SFMBT2: variants seen among roughly 807,000 people sequenced by gnomAD.
The protein encoded by SFMBT2 is Scm like with four mbt domains 2.
In SFMBT2, 38 loss-of-function variants were observed where a neutral mutation model predicts 110.1. That is an observed-to-expected ratio of 0.35 (90% CI 0.27 to 0.45). The LOEUF is 0.45. Among genes scored for constraint, SFMBT2 ranks in the 20% least tolerant of loss-of-function variants. The pLI is 1.00. For missense variants in SFMBT2, 1,011 were observed against 1,094.9 expected (o/e 0.92, Z 1.08); for synonymous variants, 425 against 425.4 (o/e 1.00, Z 0.01).
chr10:7,270,629 G>A (rs1841550812), intron 7 of SFMBT2, among the ~76,000 whole-genome samples: 1 of 152,128 alleles, frequency 6.6e-6, no homozygotes, highest in Non-Finnish European at 1.5e-5. Flanking sequence ...CTCATGAGAG[G>A]CCCAAAAGTA....
chr10:7,249,731 C>T (rs1840740181), intron 7 of SFMBT2: 1 of 160,998 alleles, frequency 6.2e-6, no homozygotes. Context: ...CGTCAGCGTC[C>T]AAGAGGAGAT....
intron 10 of SFMBT2, among the ~76,000 whole-genome samples, chr10:7,226,421 G>A (rs4747439): frequency 0.27 from 41,288 of 152,120 alleles, 5,937 homozygotes; most frequent in South Asian, 0.4. Flanking sequence ...CCCCTTTCTC[G>A]CTTCGTTTTT....
intron 7 of SFMBT2, chr10:7,249,215 A>T (rs1840720559): frequency 4.9e-6 from 1 of 202,626 alleles, no homozygotes; most frequent in Admixed American, 6.5e-5. Flanking sequence ...CCTGCCCCAC[A>T]GACGATTAGA....
intron 20 of SFMBT2, chr10:7,164,415 C>T (rs1393190591): frequency 6.1e-6 from 6 of 984,834 alleles, no homozygotes; most frequent in African/African-American, 1.7e-5. Context: ...AATACAAATA[C>T]AAGAGCTTTT....
chr10:7,350,961 T>G (rs1417165004), intron 4 of SFMBT2, among the ~76,000 whole-genome samples: 1 of 152,230 alleles, frequency 6.6e-6, no homozygotes, highest in African/African-American at 2.4e-5. Flanking sequence ...GCTCCTCTGG[T>G]AAAAGGCATT....
intron 16 of SFMBT2, among the ~76,000 whole-genome samples, chr10:7,179,635 A>G (rs1368892217): frequency 1.3e-5 from 2 of 152,214 alleles, no homozygotes; most frequent in Non-Finnish European, 2.9e-5. Flanking sequence ...ATAAGAACGC[A>G]GGAGAAATGT....
At chr10:7,350,191 ATTTT>A (rs35769123) in intron 4 of SFMBT2, among the ~76,000 whole-genome samples, 4 of 144,680 alleles carry the variant, frequency 2.8e-5, no homozygotes, top group Non-Finnish European at 6.1e-5. Context: ...TAGTTCCTAG[ATTTT>A]TTTTTTTTCC....
intron 7 of SFMBT2, among the ~76,000 whole-genome samples, chr10:7,263,715 C>T (rs1377230942): frequency 6.6e-6 from 1 of 152,230 alleles, no homozygotes; most frequent in Non-Finnish European, 1.5e-5. Flanking sequence ...GAAGGCCAAA[C>T]TCAGCTACAA....
intron 4 of SFMBT2, chr10:7,348,355 T>G: frequency 6.6e-7 from 1 of 1,513,066 alleles, no homozygotes; most frequent in Non-Finnish European, 8.9e-7. Context: ...TAATCACAGA[T>G]GGTTTTAATG....
intron 11 of SFMBT2, 123 bp from the exon 12 acceptor site, chr10:7,206,051 AAAAC>A: frequency 2.8e-6 from 4 of 1,407,348 alleles, no homozygotes; most frequent in Non-Finnish European, 3.7e-6. Flanking sequence ...TTAAAAAACA[AAAAC>A]AAAAACAAAA....
At chr10:7,210,100 T>A (rs1318851610) in intron 11 of SFMBT2, among the ~76,000 whole-genome samples, 1 of 151,410 alleles carries the variant, frequency 6.6e-6, no homozygotes, top group South Asian at 2.1e-4. Flanking sequence ...CTTAAAGAGT[T>A]CTGCAGCTTG....
At chr10:7,386,854 G>C (rs555642214) in intron 1 of SFMBT2, among the ~76,000 whole-genome samples, 1 of 152,254 alleles carries the variant, frequency 6.6e-6, no homozygotes, top group Admixed American at 6.5e-5. Context: ...CTAGGATGTA[G>C]GTTATATTAC....
chr10:7,338,612 G>A (rs759402893), intron 4 of SFMBT2, among the ~76,000 whole-genome samples: 2 of 152,176 alleles, frequency 1.3e-5, no homozygotes, highest in African/African-American at 4.8e-5. Context: ...CATAGGTGAG[G>A]AGGAGTAGGA....
chr10:7,397,047 A>C, intron 1 of SFMBT2, among the ~76,000 whole-genome samples: 1 of 152,248 alleles, frequency 6.6e-6, no homozygotes, highest in African/African-American at 2.4e-5. Flanking sequence ...TAGAACTTAA[A>C]GTATAATAAA....
At chr10:7,269,815 GAGA>G (rs372259049) in intron 7 of SFMBT2, among the ~76,000 whole-genome samples, 12 of 117,758 alleles carry the variant, frequency 1.0e-4, no homozygotes, top group African/African-American at 3.5e-4. Context: ...AAAAACTTGA[GAGA>G]AGATTTCTCT....
intron 7 of SFMBT2, among the ~76,000 whole-genome samples, chr10:7,263,591 T>C (rs1841285820): frequency 1.3e-5 from 2 of 152,192 alleles, no homozygotes; most frequent in South Asian, 4.1e-4. Flanking sequence ...GAGAAGGAGA[T>C]ATCCATCATG....
intron 7 of SFMBT2, among the ~76,000 whole-genome samples, chr10:7,252,299 C>T (rs903624022): frequency 6.6e-6 from 1 of 152,194 alleles, no homozygotes; most frequent in African/African-American, 2.4e-5. Flanking sequence ...AGACACCAGG[C>T]AGTGGCTGCC....
chr10:7,183,423 C>T (rs1838301072), intron 16 of SFMBT2, among the ~76,000 whole-genome samples: 1 of 152,222 alleles, frequency 6.6e-6, no homozygotes, highest in Non-Finnish European at 1.5e-5. Context: ...GTGGAAAACA[C>T]AGGAGATGCT....
intron 7 of SFMBT2, among the ~76,000 whole-genome samples, chr10:7,250,100 C>T (rs915272748): frequency 3.9e-5 from 6 of 152,176 alleles, no homozygotes; most frequent in Non-Finnish European, 8.8e-5. Flanking sequence ...GTTTATGTTG[C>T]AAACAAAGCC....
Sources: allele counts gnomAD v4.1 joint callset (sites outside exome capture counted in the v4.1 genomes callset), GRCh38; gene constraint gnomAD v4.1.1; transcripts MANE v1.5; gene names NCBI Gene and HGNC (gene_info 2026-07-23, HGNC 2026-07-21).